ARHGEF3: variants seen among roughly 807,000 people sequenced by gnomAD.
The protein encoded by ARHGEF3 is Rho guanine nucleotide exchange factor 3, also known as 59.8 kDA protein.
ARHGEF3 carries 28 observed loss-of-function variants against 63.2 expected under a neutral mutation model. The observed-to-expected ratio is 0.44, with a 90% CI of 0.33 to 0.61. The LOEUF (loss-of-function observed/expected upper bound fraction) is 0.61. ARHGEF3 is among the 20% of genes least tolerant of loss of function. The pLI is 0.03. For missense variants in ARHGEF3, 533 were observed against 659.3 expected (o/e 0.81, Z 2.10); for synonymous variants, 266 against 254.2 (o/e 1.05, Z -0.44).
At position 56,911,488 on chromosome 3, in the gene ARHGEF3, G is replaced by A. The variant is rs140083699; in HGVS notation, c.130-29134C>T. 8.9e-4 allele frequency among the ~76,000 whole-genome samples: 136 copies of A among 152,164 alleles called. 1 individual carries two copies. The highest frequency in any genetic ancestry group is 3.2e-3 in the African/African-American group (131 of 41,520). On this transcript the variant is annotated intron_variant, in intron 3 of 12. Transcript: ENST00000338458. ...TGACATCCACTTTGTCTATATTTAG[G>A]TCCTAAAGCCACCCATTGTTTCTGT... is the stretch of plus-strand genomic sequence containing the variant.
intron 4 of ARHGEF3, among the ~76,000 whole-genome samples, chr3:56,824,919 GA>G (rs2038654557): frequency 6.6e-6 from 1 of 152,170 alleles, no homozygotes. Flanking sequence ...TTTGTTAAAC[GA>G]TGTATACCTG....
chr3:56,848,084 A>C (rs956883096), intron 4 of ARHGEF3, among the ~76,000 whole-genome samples: 1 of 152,198 alleles, frequency 6.6e-6, no homozygotes, highest in African/African-American at 2.4e-5. Flanking sequence ...TGGGCTGAGT[A>C]GGAAATAGCT....
At chr3:56,813,767 C>A (rs1448757238) in intron 4 of ARHGEF3, among the ~76,000 whole-genome samples, 1 of 152,156 alleles carries the variant, frequency 6.6e-6, no homozygotes, top group Non-Finnish European at 1.5e-5. Flanking sequence ...TTCCTAAATG[C>A]TTGCCTCATG....
At chr3:56,901,111 A>G (rs1299116697) in intron 3 of ARHGEF3, among the ~76,000 whole-genome samples, 1 of 152,268 alleles carries the variant, frequency 6.6e-6, no homozygotes. Context: ...ATCACCAATT[A>G]TAACAACCCT....
At chr3:56,928,792 T>A (rs940558639) in intron 3 of ARHGEF3, among the ~76,000 whole-genome samples, 1 of 151,864 alleles carries the variant, frequency 6.6e-6, no homozygotes, top group Non-Finnish European at 1.5e-5. Context: ...CCCAGAGAGG[T>A]TGAATTCCTC....
At chr3:56,981,881 A>G (rs1000822411) in intron 2 of ARHGEF3, among the ~76,000 whole-genome samples, 1 of 152,046 alleles carries the variant, frequency 6.6e-6, no homozygotes, top group Non-Finnish European at 1.5e-5. Flanking sequence ...TGCTAACAGC[A>G]CCCAGATTTT....
chr3:56,938,750 C>T (rs1314862726), intron 3 of ARHGEF3: 2 of 152,244 alleles, frequency 1.3e-5, no homozygotes, highest in African/African-American at 4.8e-5. Context: ...ACAGACCAGG[C>T]GTACTTGTCC....
At chr3:56,874,950 G>C (rs2040538196) in intron 4 of ARHGEF3, among the ~76,000 whole-genome samples, 1 of 152,146 alleles carries the variant, frequency 6.6e-6, no homozygotes, top group Non-Finnish European at 1.5e-5. Flanking sequence ...GAGGTATTTG[G>C]AAAGCACAGA....
chr3:56,791,680 T>C (rs953419493), intron 1 of ARHGEF3, among the ~76,000 whole-genome samples: 5 of 152,046 alleles, frequency 3.3e-5, no homozygotes, highest in African/African-American at 1.2e-4. Flanking sequence ...TAAGCCAACA[T>C]TGTGGCACGC....
chr3:56,830,465 C>T (rs1171114752), intron 4 of ARHGEF3, among the ~76,000 whole-genome samples: 2 of 152,158 alleles, frequency 1.3e-5, no homozygotes, highest in Non-Finnish European at 2.9e-5. Context: ...TGGAGTAGTA[C>T]AATAAACCTG....
chr3:56,729,132 A>G lies in ARHGEF3; in HGVS notation c.*138T>C. ...CAGTTACAGTACTAGGGACAAAGGT[A>G]CAGATACGAGAGACTGGGCCAACAT... On this transcript the variant is annotated 3_prime_UTR_variant, in exon 10 of 10. Transcript: ENST00000296315. The G allele has an allele frequency of 4.2e-6, 3 of 712,992 alleles. No individual in the cohort carries two copies. The highest frequency in any genetic ancestry group is 6.8e-6 in the Non-Finnish European group (3 of 439,574). 44.2% of individuals were successfully genotyped at this position (712,992 alleles called of 1,614,324 possible). A position where few individuals can be genotyped will look rare whatever the true frequency, so the allele number is the denominator to read the frequency against.
At chr3:57,023,627 T>A (rs529048651) in intron 2 of ARHGEF3, among the ~76,000 whole-genome samples, 1 of 152,198 alleles carries the variant, frequency 6.6e-6, no homozygotes. Context: ...GCCCCTGCCA[T>A]ATGACATGAT....
chr3:56,958,869 T>A, exon 3 of ARHGEF3: 1 of 1,551,626 alleles, frequency 6.4e-7, no homozygotes, highest in Admixed American at 2.0e-5. Context: ...GGGAAAGTTG[T>A]TTTGCCGCTG....
At chr3:56,799,683 G>A (rs993111162) in intron 1 of ARHGEF3, among the ~76,000 whole-genome samples, 5 of 152,180 alleles carry the variant, frequency 3.3e-5, no homozygotes, top group African/African-American at 4.8e-5. Context: ...GCCTACAAGG[G>A]TTGGCTGCCT....
intron 2 of ARHGEF3, among the ~76,000 whole-genome samples, chr3:57,027,815 C>T (rs1471447553): frequency 3.3e-5 from 5 of 152,144 alleles, no homozygotes; most frequent in African/African-American, 4.8e-5. Context: ...GCCGAGATCA[C>T]GCCATTGCAC....
intron 2 of ARHGEF3, among the ~76,000 whole-genome samples, chr3:56,987,867 A>G (rs1701604264): frequency 6.6e-6 from 1 of 152,164 alleles, no homozygotes; most frequent in Non-Finnish European, 1.5e-5. Context: ...TGATTAACAC[A>G]TTCAAAACTA....
At chr3:56,888,552 T>C (rs180879175) in intron 3 of ARHGEF3, among the ~76,000 whole-genome samples, 13 of 152,294 alleles carry the variant, frequency 8.5e-5, no homozygotes, top group African/African-American at 2.4e-4. Context: ...ATATTTGCTA[T>C]AGACCACTTT....
intron 4 of ARHGEF3, among the ~76,000 whole-genome samples, chr3:56,871,399 T>C (rs2040427971): frequency 6.6e-6 from 1 of 152,064 alleles, no homozygotes. Flanking sequence ...AAGTTATCTG[T>C]TTCAAAAAGC....
chr3:56,904,312 T>A (rs1356021958), intron 3 of ARHGEF3, among the ~76,000 whole-genome samples: 1 of 152,148 alleles, frequency 6.6e-6, no homozygotes, highest in Non-Finnish European at 1.5e-5. Context: ...ATTACAGGCA[T>A]AAGCCACTGC....
Sources: gnomAD v4.1 joint callset for allele counts (sites outside exome capture counted in the v4.1 genomes callset) on GRCh38, gnomAD v4.1.1 for gene constraint, MANE v1.5 for transcripts, NCBI Gene and HGNC (gene_info 2026-07-23, HGNC 2026-07-21) for gene names.